The following FAM153A variants were observed in gnomAD, a reference collection of about 807,000 sequenced individuals.
FAM153A encodes family with sequence similarity 153 member A.
A neutral mutation model predicts 48.1 loss-of-function variants in FAM153A; 12 were observed. The ratio of observed to expected loss-of-function variants is 0.25; its 90% confidence interval spans 0.16 to 0.40. FAM153A has a LOEUF of 0.40. FAM153A is among the 10% of genes least tolerant of loss of function. The probability of loss-of-function intolerance (pLI) is 1.00; values close to 1 mark genes in which losing one functional copy is unlikely to be tolerated. For synonymous variants in FAM153A, 36 were observed against 118.2 expected, an observed-to-expected ratio of 0.30 and a Z score of 4.51; for missense variants, 111 against 345.8, an observed-to-expected ratio of 0.32 and a Z score of 5.38.
chr5:177,746,347 TG>T (rs1344818340), intron 4 of FAM153A, among the ~76,000 whole-genome samples: 1 of 147,786 alleles, frequency 6.8e-6, no homozygotes, highest in Non-Finnish European at 1.5e-5. Context: ...TTAGTAGAGA[TG>T]GGGTTTCTCC....
downstream of FAM153A, among the ~76,000 whole-genome samples, chr5:177,709,360 A>ATTTT (rs70994932): frequency 8.0e-6 from 1 of 124,412 alleles, no homozygotes; most frequent in Non-Finnish European, 1.6e-5. Context: ...TGTAATTAGG[A>ATTTT]TTTTTTTTTT....
chr5:177,734,728 C>G, intron 13 of FAM153A, 135 bp downstream of exon 15: 1 of 1,438,044 alleles, frequency 7.0e-7, no homozygotes, highest in Non-Finnish European at 9.5e-7. Context: ...GGGACAGACT[C>G]TCACTTACCA....
rs1252991725 is a variant in FAM153A at position 177,744,807 on chromosome 5, G to A, written c.339+81C>T. On this transcript the variant is annotated intron_variant, in intron 5 of 20. Transcript: ENST00000614127. ...TGTAACTAAGATACATATTGTCAGA[G>A]TCTCATATCTTAATGTAATCCAAAT... The A allele has an allele frequency of 2.4e-6, 2 of 850,376 alleles. 1 individual carries two copies. Among genetic ancestry groups the A allele is most frequent in the Non-Finnish European group, 3.3e-6 (2 of 598,762 alleles). The allele number at this position is 850,376 out of a possible 1,614,324, so 52.7% of individuals were successfully genotyped here.
At chr5:177,735,194 G>A (rs1764517015) in intron 12 of FAM153A, among the ~76,000 whole-genome samples, 2 of 150,092 alleles carry the variant, frequency 1.3e-5, no homozygotes. Context: ...TCTGACCTGA[G>A]CTAACTTGCC....
chr5:177,700,267 C>T, the FAM153A span, among the ~76,000 whole-genome samples: 189 of 151,994 alleles, frequency 1.2e-3, 2 homozygotes, highest in African/African-American at 4.5e-3. Context: ...AGAGCTTTCT[C>T]CCTAAAGTCA....
At chr5:177,782,670 C>CCCCAATCCGTGATCCAAAT (rs1769797766), upstream of FAM153A, 1 of 22,290 alleles carries the variant, frequency 4.5e-5, no homozygotes, top group African/African-American at 1.7e-4. Flanking sequence ...GCGATCCAAA[C>CCCCAATCCGTGATCCAAAT]CCCAATCCGT....
intron 6 of FAM153A, among the ~76,000 whole-genome samples, chr5:177,743,495 T>G: frequency 8.4e-6 from 1 of 119,230 alleles, no homozygotes; most frequent in Non-Finnish European, 1.7e-5. Context: ...CCTGGAATTA[T>G]CCATTCTGGG....
chr5:177,766,159 T>A, intron 1 of FAM153A, among the ~76,000 whole-genome samples: 1 of 90,896 alleles, frequency 1.1e-5, no homozygotes, highest in Non-Finnish European at 2.3e-5. Context: ...AACATGCCAA[T>A]AGGATAAAAA....
chr5:177,701,098 A>G, the FAM153A span, among the ~76,000 whole-genome samples: 5 of 151,792 alleles, frequency 3.3e-5, no homozygotes, highest in African/African-American at 1.2e-4. Flanking sequence ...AAAAGTGTAT[A>G]GTCCCTCCCC....
At chr5:177,713,972 C>T (rs545517480) in intron 25 of FAM153A, 6 of 151,828 alleles carry the variant, frequency 4.0e-5, no homozygotes, top group Non-Finnish European at 5.9e-5. Flanking sequence ...ATGTGAAATT[C>T]GTTTAAAAAA....
the FAM153A span, among the ~76,000 whole-genome samples, chr5:177,702,724 C>T: frequency 5.4e-4 from 82 of 152,028 alleles, 2 homozygotes; most frequent in African/African-American, 1.7e-3. Context: ...CTCAGCCTAG[C>T]CATGGCTCAA....
the FAM153A span, among the ~76,000 whole-genome samples, chr5:177,697,175 A>G: frequency 1.3e-5 from 2 of 151,006 alleles, no homozygotes; most frequent in Non-Finnish European, 3.0e-5. Context: ...ATTTTTTGTA[A>G]AATTTATCCC....
intron 25 of FAM153A, among the ~76,000 whole-genome samples, chr5:177,715,870 T>C (rs915776432): frequency 5.9e-5 from 9 of 151,790 alleles, no homozygotes; most frequent in Non-Finnish European, 1.3e-4. Context: ...AAACGGGGTC[T>C]TGCTATTGTT....
At chr5:177,739,170 T>G (rs1765167606) in intron 9 of FAM153A, 33 bp from the exon 12 acceptor site, 4 of 1,611,376 alleles carry the variant, frequency 2.5e-6, no homozygotes, top group Non-Finnish European at 3.4e-6. Context: ...ACCATGAGGG[T>G]AAGATCATGC....
chr5:177,712,734 C>T (rs1758690242), exon 27 of FAM153A: 1 of 151,672 alleles, frequency 6.6e-6, no homozygotes, highest in African/African-American at 2.4e-5. Flanking sequence ...AACACTACCC[C>T]CTCTCCAGCA....
chr5:177,700,188 C>A, the FAM153A span, among the ~76,000 whole-genome samples: 1 of 151,766 alleles, frequency 6.6e-6, no homozygotes, highest in African/African-American at 2.4e-5. Flanking sequence ...TAGGAGGGAA[C>A]CTTCCCAACC....
downstream of FAM153A, among the ~76,000 whole-genome samples, chr5:177,709,674 GT>G (rs71585653): frequency 1.5e-3 from 156 of 106,894 alleles, 1 homozygote; most frequent in East Asian, 6.6e-3. Flanking sequence ...TTTTTTTTTT[GT>G]TTTTTTTTTT....
chr5:177,766,070 T>C (rs4385224), intron 1 of FAM153A, among the ~76,000 whole-genome samples: 8 of 108,800 alleles, frequency 7.4e-5, no homozygotes, highest in Middle Eastern at 4.3e-3. Context: ...TGAGCCAAGA[T>C]TGTGCCACTG....
the FAM153A span, among the ~76,000 whole-genome samples, chr5:177,696,840 T>C: frequency 6.6e-6 from 1 of 151,458 alleles, no homozygotes; most frequent in African/African-American, 2.4e-5. Flanking sequence ...CCTGTCCTTA[T>C]TTTTGTAGAT....
Sources: gnomAD v4.1 joint callset for allele counts (sites outside exome capture counted in the v4.1 genomes callset) on GRCh38, gnomAD v4.1.1 for gene constraint, MANE v1.5 for transcripts, NCBI Gene and HGNC (gene_info 2026-07-23, HGNC 2026-07-21) for gene names.